The following RPH3AL variants were observed in gnomAD, a reference collection of about 807,000 sequenced individuals.
RPH3AL encodes the protein rabphilin 3A like (without C2 domains).
In RPH3AL, 38 loss-of-function variants were observed where a neutral mutation model predicts 43.1. The ratio of observed to expected loss-of-function variants is 0.88; its 90% confidence interval spans 0.68 to 1.15. RPH3AL has a LOEUF of 1.15. RPH3AL is among the 50% of genes most tolerant of loss of function. The pLI, the probability that RPH3AL is intolerant of heterozygous loss-of-function variation, is 0.00. For synonymous variants in RPH3AL, 189 were observed against 176.3 expected (o/e 1.07, Z -0.57); for missense variants, 462 against 423.2 (o/e 1.09, Z -0.81).
chr17:281,069 G>A (rs1285871625), intron 6 of RPH3AL, among the ~76,000 whole-genome samples: 4 of 152,124 alleles, frequency 2.6e-5, no homozygotes, highest in African/African-American at 4.8e-5. Context: ...GCTCCAATCC[G>A]ACCTGGCACA....
rs373636967 is a variant in RPH3AL at position 327,576 on chromosome 17, A to C, written c.-33T>G. ...AGCACCCGGCTGGGGGTGGGGAGTC[A>C]CATCTGAGATGAAGGAGGGAAGACG... On this transcript the variant is annotated 5_prime_UTR_variant, in exon 3 of 10. An upstream open reading frame in the 5' UTR loses its in-frame stop. Coordinates refer to ENST00000331302, the MANE Select transcript of RPH3AL (RefSeq NM_006987.4). 5.3e-4 allele frequency: 843 copies of C among 1,602,978 alleles called. 1 individual carries two copies. The highest frequency in any genetic ancestry group is 6.2e-4 in the Non-Finnish European group (723 of 1,171,132).
chr17:275,480 C>T (rs774407278), intron 6 of RPH3AL, among the ~76,000 whole-genome samples: 8 of 151,974 alleles, frequency 5.3e-5, no homozygotes, highest in East Asian at 3.9e-4. Flanking sequence ...AGCATGGGGA[C>T]GTCTGCAGTG....
intron 7 of RPH3AL, among the ~76,000 whole-genome samples, chr17:241,098 A>AATC (rs1555536750): frequency 0.013 from 1,239 of 94,386 alleles, 15 homozygotes; most frequent in Middle Eastern, 0.037. Flanking sequence ...TAATAATAAT[A>AATC]ATCTTGTTGG....
At chr17:338,319 G>A (rs777029504) in intron 1 of RPH3AL, among the ~76,000 whole-genome samples, 1 of 151,862 alleles carries the variant, frequency 6.6e-6, no homozygotes, top group Non-Finnish European at 1.5e-5. Context: ...AAACTTAGCT[G>A]GGCATGGTGG....
Position 323,174 on chromosome 17 carries a change from G to C in RPH3AL, c.78-1759C>G, listed in dbSNP as rs941130325. Among the ~76,000 whole-genome samples the C allele has an allele frequency of 2.6e-5, 4 of 152,060 alleles. No homozygotes were observed. The highest frequency in any genetic ancestry group is 9.7e-5 in the African/African-American group (4 of 41,374). On this transcript the variant is annotated intron_variant, in intron 3 of 9. Transcript: ENST00000331302. This position sits in a 1 kb window ranked among gnomAD's most constrained non-coding sequence, Gnocchi z 4.4. ...GGAAGGAGGGAGGCGGGTTCAGGCA[G>C]AGGAGATCACACACGAAAGGCAGGG...
At chr17:314,468 C>CTCCACGTCCATTGACCTGTAGTCCCTGTG (rs2043791846) in intron 5 of RPH3AL, among the ~76,000 whole-genome samples, 6 of 115,486 alleles carry the variant, frequency 5.2e-5, no homozygotes, top group South Asian at 3.1e-4. Flanking sequence ...AGTCTCTATG[C>CTCCACGTCCATTGACCTGTAGTCCCTGTG]CCCCACCTCC....
At chr17:263,814 G>A (rs965628233) in intron 6 of RPH3AL, among the ~76,000 whole-genome samples, 29 of 152,284 alleles carry the variant, frequency 1.9e-4, no homozygotes, top group East Asian at 3.9e-4. Context: ...GTAACACACC[G>A]ACACTCCCGT....
intron 6 of RPH3AL, among the ~76,000 whole-genome samples, chr17:271,781 C>G (rs2042469449): frequency 6.6e-6 from 1 of 152,114 alleles, no homozygotes; most frequent in African/African-American, 2.4e-5. Context: ...GCCTGATTGC[C>G]CTGGCCAGAG....
intron 7 of RPH3AL, among the ~76,000 whole-genome samples, chr17:226,514 G>A (rs765210598): frequency 4.6e-5 from 7 of 152,142 alleles, no homozygotes; most frequent in Non-Finnish European, 5.9e-5. Context: ...AACACCACTC[G>A]AAAGAAATAA....
At chr17:282,702 A>G (rs1008622446) in intron 5 of RPH3AL, among the ~76,000 whole-genome samples, 7 of 152,248 alleles carry the variant, frequency 4.6e-5, no homozygotes, top group African/African-American at 1.7e-4. Context: ...CAAACAGCAC[A>G]TAGAGCACAC....
intron 6 of RPH3AL, among the ~76,000 whole-genome samples, chr17:269,824 G>A (rs1228632108): frequency 1.3e-5 from 2 of 152,228 alleles, no homozygotes; most frequent in Non-Finnish European, 2.9e-5. Context: ...GGATCTCTCA[G>A]TGCCTCAGAG....
intron 1 of RPH3AL, among the ~76,000 whole-genome samples, chr17:335,505 G>A (rs1284087672): frequency 4.6e-5 from 7 of 152,154 alleles, no homozygotes; most frequent in Admixed American, 6.5e-5. Context: ...CGGCCGGCCC[G>A]TAGACTGAGG....
At chr17:293,477 C>CGGGGGG (rs2043094396) in intron 5 of RPH3AL, among the ~76,000 whole-genome samples, 1 of 149,820 alleles carries the variant, frequency 6.7e-6, no homozygotes, top group African/African-American at 2.5e-5. Flanking sequence ...GGGGCCGGGG[C>CGGGGGG]TCCGGGGGTG....
At chr17:261,239 C>T (rs8073479) in intron 6 of RPH3AL, among the ~76,000 whole-genome samples, 71,124 of 152,126 alleles carry the variant, frequency 0.47, 17,410 homozygotes, top group South Asian at 0.61. Flanking sequence ...AGCTCTAACC[C>T]TCATGTACTT....
At chr17:255,991 C>T (rs535006812) in intron 6 of RPH3AL, among the ~76,000 whole-genome samples, 2 of 65,872 alleles carry the variant, frequency 3.0e-5, no homozygotes, top group Admixed American at 1.9e-4. Flanking sequence ...GGGAGCTGCA[C>T]GGTGTCTGTC....
intron 7 of RPH3AL, among the ~76,000 whole-genome samples, chr17:242,729 A>C (rs1235337159): frequency 1.5e-5 from 1 of 64,816 alleles, no homozygotes; most frequent in Non-Finnish European, 3.0e-5. Context: ...TCTATTGACT[A>C]CCTTCCTCTA....
intron 5 of RPH3AL, among the ~76,000 whole-genome samples, chr17:314,655 A>C: frequency 7.0e-6 from 1 of 142,060 alleles, no homozygotes; most frequent in Admixed American, 7.1e-5. Context: ...CTGTGACTCC[A>C]CCTCCATTGA....
intron 5 of RPH3AL, among the ~76,000 whole-genome samples, chr17:303,172 A>T (rs73284643): frequency 0.034 from 5,106 of 152,252 alleles, 290 homozygotes; most frequent in African/African-American, 0.12. Flanking sequence ...GCTGAGCAGG[A>T]GGATCGCCTG....
In RPH3AL at chr17:333,618, C is replaced by A; in HGVS notation, c.-37+141G>T. 4.3e-6 allele frequency: 1 copy of A among 234,608 alleles called. No homozygotes were observed. Among genetic ancestry groups the A allele is most frequent in the Non-Finnish European group, 8.8e-6 (1 of 114,264 alleles). 14.5% of individuals were successfully genotyped at this position (234,608 alleles called of 1,614,324 possible). ...GTTTTACCATCTTCCTGTTTGGGAG[C>A]ACATGGATTGTTTCCAATTTTGCTC... On this transcript the variant is annotated intron_variant, in intron 2 of 9. Coordinates refer to ENST00000331302, the MANE Select transcript of RPH3AL (RefSeq NM_006987.4). This position sits in a 1 kb window ranked among gnomAD's most constrained non-coding sequence, Gnocchi z 4.5.
Sources: gnomAD v4.1 joint callset for allele counts (sites outside exome capture counted in the v4.1 genomes callset) on GRCh38, gnomAD v4.1.1 for gene constraint, Gnocchi (gnomAD v3.1) non-coding constraint, MANE v1.5 for transcripts, NCBI Gene and HGNC (gene_info 2026-07-23, HGNC 2026-07-21) for gene names.